Variants in TNRC6A observed in about 807,000 individuals in gnomAD.
TNRC6A encodes trinucleotide repeat containing adaptor 6A.
Under a neutral mutation model 221.2 loss-of-function variants are expected in TNRC6A, and 44 were observed. That is an observed-to-expected ratio of 0.20 (90% confidence interval 0.16 to 0.26). The LOEUF (loss-of-function observed/expected upper bound fraction) is 0.26, where lower values mean the gene tolerates loss of function less well. Ranked by LOEUF, TNRC6A falls within the 10% of genes least tolerant of loss-of-function variation. The pLI is 1.00. For missense variants in TNRC6A, 2,199 were observed against 2,404.4 expected (o/e 0.91, Z 1.79); for synonymous variants, 847 against 838.5 (o/e 1.01, Z -0.18).
At chr16:24,665,149 A>C (rs1366128053) in intron 2 of TNRC6A, 1 of 346,874 alleles carries the variant, frequency 2.9e-6, no homozygotes, top group African/African-American at 2.1e-5. Context: ...AGCTCACTGC[A>C]GCCTTGAACT....
intron 1 of TNRC6A, among the ~76,000 whole-genome samples, chr16:24,634,603 C>T (rs1393673685): frequency 1.3e-5 from 2 of 152,154 alleles, no homozygotes; most frequent in Non-Finnish European, 2.9e-5. Context: ...ATTCGGCCAT[C>T]GTCTCTATAT....
intron 4 of TNRC6A, among the ~76,000 whole-genome samples, chr16:24,774,848 A>T (rs1402371436): frequency 1.3e-5 from 2 of 152,258 alleles, no homozygotes; most frequent in South Asian, 4.1e-4. Flanking sequence ...TAGTATTTGC[A>T]TATAACCTAG....
intron 2 of TNRC6A, among the ~76,000 whole-genome samples, chr16:24,718,396 A>T (rs2056353315): frequency 6.6e-6 from 1 of 152,162 alleles, no homozygotes; most frequent in Non-Finnish European, 1.5e-5. Context: ...GGGAAGGCTT[A>T]CCAAGGGAGG....
At chr16:24,643,106 A>T (rs1376554492) in intron 2 of TNRC6A, among the ~76,000 whole-genome samples, 4 of 59,112 alleles carry the variant, frequency 6.8e-5, no homozygotes, top group African/African-American at 1.1e-4. Flanking sequence ...ATATATATAT[A>T]TAAAATATAT....
chr16:24,610,596 C>T (rs1900001131), intron 1 of TNRC6A: 1 of 152,306 alleles, frequency 6.6e-6, no homozygotes, highest in Non-Finnish European at 1.5e-5. Context: ...CCTGCCGGCT[C>T]TGGGGAGCTG....
chr16:24,648,460 C>A (rs186484391), intron 2 of TNRC6A, among the ~76,000 whole-genome samples: 1 of 151,620 alleles, frequency 6.6e-6, no homozygotes, highest in South Asian at 2.1e-4. Context: ...TTAGTAGAGA[C>A]GGGGTTTCAC....
At chr16:24,721,149 T>C (rs759745974) in intron 2 of TNRC6A, among the ~76,000 whole-genome samples, 1 of 152,224 alleles carries the variant, frequency 6.6e-6, no homozygotes, top group Non-Finnish European at 1.5e-5. Flanking sequence ...GAACTCTTGA[T>C]GAGGTTGAGA....
chr16:24,660,741 T>TTC (rs1379340880), intron 2 of TNRC6A, among the ~76,000 whole-genome samples: 2 of 131,364 alleles, frequency 1.5e-5, no homozygotes, highest in Non-Finnish European at 1.6e-5. Context: ...TTTTTTTTCT[T>TTC]TTTTTTTTTT....
intron 4 of TNRC6A, chr16:24,776,624 G>A (rs2057723054): frequency 2.0e-6 from 2 of 985,330 alleles, no homozygotes; most frequent in Non-Finnish European, 2.4e-6. Context: ...CCCTGGTTTT[G>A]TAATGATCCG....
chr16:24,732,233 C>G (rs145967587), intron 2 of TNRC6A, among the ~76,000 whole-genome samples: 34 of 152,318 alleles, frequency 2.2e-4, no homozygotes, highest in African/African-American at 7.5e-4. Flanking sequence ...CTTCCTTCAT[C>G]TCCATCTCTA....
intron 1 of TNRC6A, among the ~76,000 whole-genome samples, chr16:24,639,300 C>T (rs1451827280): frequency 6.6e-6 from 1 of 151,956 alleles, no homozygotes; most frequent in Non-Finnish European, 1.5e-5. Flanking sequence ...GCCTGGATGA[C>T]ATATCAAAAA....
chr16:24,807,867 A>G (rs539441878), intron 17 of TNRC6A, among the ~76,000 whole-genome samples: 3 of 152,106 alleles, frequency 2.0e-5, no homozygotes, highest in African/African-American at 7.2e-5. Context: ...GTGTTTGAAG[A>G]CCATCAGTTA....
Position 24,822,150 on chromosome 16 carries a change from A to G in TNRC6A, c.5373+3A>G. ...TTCTAAAAAACCTTACACCTCAGGT[A>G]AGGATACCAGATACGCTGGTTTATG... is the stretch of plus-strand genomic sequence containing the variant. On this transcript the variant is annotated splice_donor_region_variant and intron_variant, in intron 23 of 24. Transcript: ENST00000395799. 2 of 1,614,044 alleles carry G rather than the reference A, an allele frequency of 1.2e-6. No individual in the cohort carries two copies. The highest frequency in any genetic ancestry group is 1.7e-6 in the Non-Finnish European group (2 of 1,179,922).
chr16:24,637,813 T>G (rs1299216244), intron 1 of TNRC6A, among the ~76,000 whole-genome samples: 4 of 152,000 alleles, frequency 2.6e-5, no homozygotes, highest in Admixed American at 2.6e-4. Flanking sequence ...TGAGATGGAG[T>G]CTGGCTCTGT....
chr16:24,733,669 A>T (rs1215034817), intron 2 of TNRC6A, among the ~76,000 whole-genome samples: 1 of 152,216 alleles, frequency 6.6e-6, no homozygotes, highest in African/African-American at 2.4e-5. Context: ...TTTGTAGCAA[A>T]CTGGTTAAGG....
At chr16:24,644,096 T>TTTC (rs1902144304) in intron 2 of TNRC6A, among the ~76,000 whole-genome samples, 1 of 135,698 alleles carries the variant, frequency 7.4e-6, no homozygotes, top group East Asian at 2.0e-4. Flanking sequence ...TTTTTTTTTT[T>TTTC]TTTTTTTTGA....
Position 24,805,003 on chromosome 16 carries a change from T to C in TNRC6A, c.3985-11T>C. On this transcript the variant is annotated splice_polypyrimidine_tract_variant and intron_variant, in intron 13 of 24. Coordinates refer to ENST00000395799, the MANE Select transcript of TNRC6A (RefSeq NM_014494.4). Reference sequence around the variant, plus strand: ...AATCCCACTGTTACTTGTTGCTGTTTGTTTTTATAGAATGGCAATCCCAGT... The same window carrying C: ...AATCCCACTGTTACTTGTTGCTGTTCGTTTTTATAGAATGGCAATCCCAGT... 1 of 1,614,236 alleles carries C rather than the reference T, an allele frequency of 6.2e-7. No individual in the cohort carries two copies. Among genetic ancestry groups the C allele is most frequent in the Non-Finnish European group, 8.5e-7 (1 of 1,180,036 alleles).
At chr16:24,796,008 A>C (rs747025243) in intron 9 of TNRC6A, 69 bp downstream of exon 9, 2 of 1,541,544 alleles carry the variant, frequency 1.3e-6, no homozygotes, top group African/African-American at 2.7e-5. Flanking sequence ...AACTGCAAAC[A>C]TTTATTTAGC....
chr16:24,796,791 A>G (rs1221608347), intron 9 of TNRC6A, among the ~76,000 whole-genome samples: 1 of 152,222 alleles, frequency 6.6e-6, no homozygotes, highest in East Asian at 1.9e-4. Flanking sequence ...GTGAGACCAT[A>G]ATGAGAGACA....
Sources: allele counts gnomAD v4.1 joint callset (sites outside exome capture counted in the v4.1 genomes callset), GRCh38; gene constraint gnomAD v4.1.1; transcripts MANE v1.5; gene names NCBI Gene and HGNC (gene_info 2026-07-23, HGNC 2026-07-21).